The following GPALPP1 variants were observed in gnomAD, a reference collection of about 807,000 sequenced individuals.
GPALPP1 encodes the protein GPALPP motifs-containing protein 1.
GPALPP1 carries 30 observed loss-of-function variants against 38.9 expected under a neutral mutation model. That is an observed-to-expected ratio of 0.77 (90% confidence interval 0.58 to 1.05). GPALPP1 has a LOEUF of 1.05. GPALPP1 is among the 50% of genes least tolerant of loss of function. GPALPP1 has a pLI of 0.00. For synonymous variants in GPALPP1, 120 were observed against 139.2 expected (o/e 0.86, Z 0.97); for missense variants, 384 against 408.8 (o/e 0.94, Z 0.52).
intron 7 of GPALPP1, among the ~76,000 whole-genome samples, chr13:45,025,919 C>T (rs35679640): frequency 0.017 from 2,635 of 152,166 alleles, 32 homozygotes; most frequent in Non-Finnish European, 0.029. Context: ...TACAGGCATT[C>T]GCCACCATGC....
chr13:45,030,887 G>A (rs1318402875), downstream of GPALPP1: 1 of 152,188 alleles, frequency 6.6e-6, no homozygotes, highest in African/African-American at 2.4e-5. Context: ...TGGGCGCAGT[G>A]GCTCATACCT....
intron 6 of GPALPP1, among the ~76,000 whole-genome samples, chr13:45,019,167 A>G (rs1015526959): frequency 2.8e-5 from 4 of 144,536 alleles, no homozygotes; most frequent in Non-Finnish European, 4.5e-5. Context: ...ATATTTTTTG[A>G]GACAGAAGCT....
At chr13:45,019,735 C>T (rs535940693) in intron 6 of GPALPP1, among the ~76,000 whole-genome samples, 3 of 149,226 alleles carry the variant, frequency 2.0e-5, no homozygotes, top group African/African-American at 7.4e-5. Flanking sequence ...ATTTTCACTT[C>T]TACATCTCAC....
intron 6 of GPALPP1, among the ~76,000 whole-genome samples, chr13:45,016,043 A>G (rs1874845199): frequency 1.3e-5 from 2 of 152,160 alleles, no homozygotes; most frequent in South Asian, 4.1e-4. Flanking sequence ...AGATTAACCT[A>G]GCAAATTAAA....
chr13:45,007,323 G>T (rs1046639640), intron 3 of GPALPP1, among the ~76,000 whole-genome samples: 5 of 152,080 alleles, frequency 3.3e-5, no homozygotes, highest in Non-Finnish European at 7.4e-5. Context: ...ATAATAAAAT[G>T]TATGTGTAAA....
intron 1 of GPALPP1, among the ~76,000 whole-genome samples, chr13:45,000,974 A>G (rs571914895): frequency 2.0e-5 from 3 of 152,336 alleles, no homozygotes; most frequent in South Asian, 2.1e-4. Flanking sequence ...AAATAGGCCA[A>G]TGATTCCAAA....
intron 1 of GPALPP1, among the ~76,000 whole-genome samples, chr13:44,997,634 A>G (rs915846352): frequency 6.6e-6 from 1 of 151,968 alleles, no homozygotes; most frequent in Middle Eastern, 3.2e-3. Context: ...AGTTACTCCC[A>G]TTTCATTTGC....
rs371621947 is a variant in GPALPP1 at position 45,005,886 on chromosome 13, C to T, written c.222-316C>T. 6.6e-5 allele frequency among the ~76,000 whole-genome samples: 10 copies of T among 152,048 alleles called. No individual in the cohort carries two copies. The East Asian group carries it at 7.8e-4, about 12-fold the overall frequency. On this transcript the variant is annotated intron_variant, in intron 2 of 7. Transcript: ENST00000379151. ...CTAAAAAATACAAAAATTAGCTGGG[C>T]GTGGTGGCGCTTCCCTGTAATCCCA...
chr13:44,989,794 C>A, intron 1 of GPALPP1, 52 bp downstream of exon 1: 1 of 1,373,252 alleles, frequency 7.3e-7, no homozygotes, highest in Non-Finnish European at 1.0e-6. Flanking sequence ...CACTCCCTGG[C>A]CGGGCCCTGC....
At chr13:44,993,745 A>C (rs1873031780) in intron 1 of GPALPP1, among the ~76,000 whole-genome samples, 1 of 150,782 alleles carries the variant, frequency 6.6e-6, no homozygotes, top group South Asian at 2.1e-4. Context: ...ACCATTTTAC[A>C]TTCCCACTAG....
chr13:45,002,844 T>A (rs1873793207), intron 1 of GPALPP1, among the ~76,000 whole-genome samples: 1 of 152,236 alleles, frequency 6.6e-6, no homozygotes, highest in Non-Finnish European at 1.5e-5. Flanking sequence ...ATAGGAGTTG[T>A]GCACTGGCTG....
intron 4 of GPALPP1, among the ~76,000 whole-genome samples, chr13:45,013,332 T>A (rs374887424): frequency 1.3e-5 from 2 of 152,194 alleles, no homozygotes; most frequent in African/African-American, 2.4e-5. Context: ...CTAAGACTTA[T>A]AAGCAGCTGG....
chr13:45,020,988 T>G (rs1875388213), intron 7 of GPALPP1, among the ~76,000 whole-genome samples: 1 of 152,196 alleles, frequency 6.6e-6, no homozygotes, highest in Non-Finnish European at 1.5e-5. Flanking sequence ...TAAACAGATT[T>G]GGAATGTTGG....
At chr13:45,008,713 C>A in intron 3 of GPALPP1, 82 bp from the exon 4 acceptor site, 1 of 706,632 alleles carries the variant, frequency 1.4e-6, no homozygotes, top group Admixed American at 2.5e-5. Flanking sequence ...CACTATTTGG[C>A]TTTATTATTT....
intron 4 of GPALPP1, 104 bp from the exon 5 acceptor site, chr13:45,014,847 AT>A: frequency 1.1e-6 from 1 of 949,606 alleles, no homozygotes; most frequent in Non-Finnish European, 1.5e-6. Flanking sequence ...TTACTTTTTT[AT>A]TTTTTATGGA....
chr13:45,026,544 T>G lies in GPALPP1; in HGVS notation c.805-1241T>G, dbSNP rs987274752. ...AATAAGATACTGTCACTTTCAGCAT[T>G]TTTTACTAGTGCCTTGTTATTTTGC... On this transcript the variant is annotated intron_variant, in intron 7 of 7. Transcript: ENST00000379151. 2.0e-5 allele frequency among the ~76,000 whole-genome samples: 3 copies of G among 152,308 alleles called. No homozygotes were observed. In the East Asian group the frequency reaches 5.8e-4, roughly 29 times the overall value.
intron 7 of GPALPP1, among the ~76,000 whole-genome samples, chr13:45,027,294 A>G (rs932410474): frequency 6.6e-6 from 1 of 152,190 alleles, no homozygotes; most frequent in Non-Finnish European, 1.5e-5. Context: ...TACCCTAGCT[A>G]AGAAGAAAAA....
rs371911111 is a variant in GPALPP1, at chr13:44,995,169, AACACAC to A, written c.88+5456_88+5461del. Among the ~76,000 whole-genome samples the A allele has an allele frequency of 4.0e-4, 52 of 128,606 alleles. No individual in the cohort carries two copies. The South Asian group carries it at 9.6e-3, about 24-fold the overall frequency. The allele number at this position is 128,606 out of a possible 152,430, so 84.4% of individuals were successfully genotyped here. ...ACCCAGACACAAGCCCCTATCTTTA[AACACAC>A]ACACACACACACACACACACACACA... On this transcript the variant is annotated intron_variant, in intron 1 of 7. Transcript: ENST00000379151.
chr13:44,996,784 CTTTTT>C (rs770919969), intron 1 of GPALPP1, among the ~76,000 whole-genome samples: 1 of 80,400 alleles, frequency 1.2e-5, no homozygotes, highest in African/African-American at 6.1e-5. Flanking sequence ...TGCCCAGCCT[CTTTTT>C]TTTTTTTTTT....
Sources: gnomAD v4.1 joint callset for allele counts (sites outside exome capture counted in the v4.1 genomes callset) on GRCh38, gnomAD v4.1.1 for gene constraint, MANE v1.5 for transcripts, NCBI Gene and HGNC (gene_info 2026-07-23, HGNC 2026-07-21) for gene names.